Variants in AGTPBP1 observed in about 807,000 individuals in gnomAD.
AGTPBP1 encodes the protein cytosolic carboxypeptidase 1.
AGTPBP1 carries 70 observed loss-of-function variants against 143.9 expected under a neutral mutation model. The ratio of observed to expected loss-of-function variants is 0.49; its 90% confidence interval spans 0.40 to 0.59. The LOEUF is 0.59. Among genes scored for constraint, AGTPBP1 ranks in the 20% least tolerant of loss-of-function variants. The pLI, the probability that AGTPBP1 is intolerant of heterozygous loss-of-function variation, is 0.00. For missense variants in AGTPBP1, 1,229 were observed against 1,464.5 expected, an observed-to-expected ratio of 0.84 and a Z score of 2.62; for synonymous variants, 463 against 500.2, an observed-to-expected ratio of 0.93 and a Z score of 0.99.
At chr9:85,560,637 C>A (rs12338505) in intron 25 of AGTPBP1, among the ~76,000 whole-genome samples, 9,527 of 152,074 alleles carry the variant, frequency 0.063, 1,012 homozygotes, top group African/African-American at 0.22. Flanking sequence ...TTTTTCCTAA[C>A]TCCCACCCCT....
Position 85,669,597 on chromosome 9 carries a change from G to A in AGTPBP1, c.569-19C>T. 1.9e-6 allele frequency: 3 copies of A among 1,560,712 alleles called. No individual in the cohort carries two copies. The highest frequency in any genetic ancestry group is 2.6e-6 in the Non-Finnish European group (3 of 1,133,770). The stretch of plus-strand genomic sequence containing the variant: ...TTCACAGCTGAGAGGGGGAGAAAGA[G>A]ATGCAAAATTATTTTAAGGTTTGAC... On this transcript the variant is annotated intron_variant, in intron 7 of 25. Coordinates refer to ENST00000357081, the MANE Select transcript of AGTPBP1 (RefSeq NM_001330701.2).
intron 6 of AGTPBP1, among the ~76,000 whole-genome samples, chr9:85,675,689 A>C (rs1236017126): frequency 6.6e-6 from 1 of 152,132 alleles, no homozygotes; most frequent in Non-Finnish European, 1.5e-5. Context: ...AATTCCTCAT[A>C]AATTTTGGAT....
At chr9:85,695,244 C>G (rs1400974631) in intron 2 of AGTPBP1, among the ~76,000 whole-genome samples, 1 of 152,108 alleles carries the variant, frequency 6.6e-6, no homozygotes, top group East Asian at 1.9e-4. Context: ...ACCAGGAAAA[C>G]CGACACAGTT....
upstream of AGTPBP1, among the ~76,000 whole-genome samples, chr9:85,744,064 G>A (rs1002650611): frequency 1.3e-5 from 2 of 151,678 alleles, no homozygotes; most frequent in African/African-American, 4.8e-5. Context: ...GAGTATCTGG[G>A]ACTACAGGCA....
chr9:85,769,542 A>G, the AGTPBP1 span, among the ~76,000 whole-genome samples: 2 of 150,554 alleles, frequency 1.3e-5, no homozygotes, highest in Non-Finnish European at 3.0e-5. Context: ...AAAAAAAAAG[A>G]AAAAAAGAAC....
intron 1 of AGTPBP1, 131 bp from the exon 2 acceptor site, chr9:85,712,697 C>T (rs41310075): frequency 2.4e-6 from 1 of 412,628 alleles, no homozygotes; most frequent in East Asian, 3.7e-5. Flanking sequence ...AAAAAGAGAA[C>T]ATTTGAGTTC....
intron 1 of AGTPBP1, among the ~76,000 whole-genome samples, chr9:85,714,867 ATATG>A (rs1267884138): frequency 1.3e-5 from 2 of 152,166 alleles, no homozygotes; most frequent in Non-Finnish European, 2.9e-5. Flanking sequence ...AAATGAATAT[ATATG>A]TGTGTATATA....
At chr9:85,589,736 T>G in intron 19 of AGTPBP1, 55 bp from the exon 20 acceptor site, 1 of 1,492,816 alleles carries the variant, frequency 6.7e-7, no homozygotes, top group Non-Finnish European at 9.0e-7. Context: ...CCCTATGATA[T>G]ACAGAAATAA....
intron 13 of AGTPBP1, among the ~76,000 whole-genome samples, chr9:85,636,177 A>G (rs1832030044): frequency 6.6e-6 from 1 of 152,138 alleles, no homozygotes; most frequent in African/African-American, 2.4e-5. Context: ...ATCTCAGACT[A>G]AGAAATGACC....
chr9:85,683,961 C>T (rs1835343423), intron 3 of AGTPBP1, among the ~76,000 whole-genome samples: 2 of 149,124 alleles, frequency 1.3e-5, no homozygotes, highest in South Asian at 4.2e-4. Flanking sequence ...CCACCACAAA[C>T]CCTGATACAG....
intron 1 of AGTPBP1, among the ~76,000 whole-genome samples, chr9:85,735,710 G>A (rs1839198624): frequency 6.6e-6 from 1 of 152,138 alleles, no homozygotes; most frequent in Non-Finnish European, 1.5e-5. Flanking sequence ...CCAAAAAGGA[G>A]TCTAGAAAGT....
intron 13 of AGTPBP1, among the ~76,000 whole-genome samples, chr9:85,639,638 C>A (rs1832336808): frequency 6.6e-6 from 1 of 151,972 alleles, no homozygotes. Context: ...ATAACTTTGA[C>A]AAAAATTTAA....
intron 17 of AGTPBP1, among the ~76,000 whole-genome samples, chr9:85,599,974 A>G (rs1829559421): frequency 1.3e-5 from 2 of 152,190 alleles, no homozygotes; most frequent in Admixed American, 1.3e-4. Flanking sequence ...CAGACTATTA[A>G]CCACTCTATG....
At chr9:85,662,945 A>C (rs1329112236) in intron 8 of AGTPBP1, among the ~76,000 whole-genome samples, 1 of 152,172 alleles carries the variant, frequency 6.6e-6, no homozygotes, top group African/African-American at 2.4e-5. Flanking sequence ...TGAAAGATAG[A>C]GATCCACAGA....
the AGTPBP1 span, among the ~76,000 whole-genome samples, chr9:85,747,399 A>C: frequency 6.6e-6 from 1 of 152,068 alleles, no homozygotes; most frequent in African/African-American, 2.4e-5. Flanking sequence ...GGGCTTTTCC[A>C]TTTCTGCAAA....
chr9:85,603,524 C>G (rs562154597), intron 17 of AGTPBP1, among the ~76,000 whole-genome samples: 60 of 152,224 alleles, frequency 3.9e-4, no homozygotes, highest in Non-Finnish European at 7.4e-4. Context: ...CCAGGCAGTT[C>G]TCACTGCAAG....
At position 85,677,370 on chromosome 9, in the gene AGTPBP1, A is replaced by T. The variant is rs1681151540; in HGVS notation, c.436+66T>A. The stretch of plus-strand genomic sequence containing the variant: ...CATTTTTAAAAACTGAGTAGTTACA[A>T]GGTGAGAGAATCACTGTTACAAAAA... On this transcript the variant is annotated intron_variant, in intron 6 of 25. Coordinates refer to ENST00000357081, the MANE Select transcript of AGTPBP1 (RefSeq NM_001330701.2). 3 of 1,430,048 alleles carry T rather than the reference A, an allele frequency of 2.1e-6. No homozygotes were observed. In the South Asian group the frequency reaches 3.8e-5, roughly 18 times the overall value. The allele number at this position is 1,430,048 out of a possible 1,614,324, so 88.6% of individuals were successfully genotyped here.
chr9:85,693,162 C>T (rs1835991494), intron 2 of AGTPBP1, among the ~76,000 whole-genome samples: 1 of 152,156 alleles, frequency 6.6e-6, no homozygotes, highest in African/African-American at 2.4e-5. Flanking sequence ...TCCTTCTTCC[C>T]ATCCGACTCC....
intron 14 of AGTPBP1, among the ~76,000 whole-genome samples, chr9:85,626,975 G>C (rs559784813): frequency 6.6e-6 from 1 of 152,280 alleles, no homozygotes; most frequent in East Asian, 1.9e-4. Flanking sequence ...TTGGCACACA[G>C]ACCGCAGTAT....
Sources: gnomAD v4.1 joint callset for allele counts (sites outside exome capture counted in the v4.1 genomes callset) on GRCh38, gnomAD v4.1.1 for gene constraint, MANE v1.5 for transcripts, NCBI Gene and HGNC (gene_info 2026-07-23, HGNC 2026-07-21) for gene names.